The following NPAS3 variants were observed in gnomAD, a reference collection of about 807,000 sequenced individuals.
NPAS3 encodes the protein neuronal PAS domain-containing protein 3.
NPAS3 carries 14 observed loss-of-function variants against 73.1 expected under a neutral mutation model. The observed-to-expected ratio is 0.19, with a 90% CI of 0.13 to 0.30. The LOEUF is 0.30. Ranked by LOEUF, NPAS3 falls within the 10% of genes least tolerant of loss-of-function variation. NPAS3 has a pLI of 1.00. For synonymous variants in NPAS3, 620 were observed against 541.5 expected (o/e 1.14, Z -2.01); for missense variants, 1,096 against 1,250.0 (o/e 0.88, Z 1.86).
intron 2 of NPAS3, among the ~76,000 whole-genome samples, chr14:33,174,238 C>T (rs1194239281): frequency 2.2e-4 from 33 of 152,180 alleles, no homozygotes; most frequent in Non-Finnish European, 2.8e-4. Flanking sequence ...ATACACTGCA[C>T]ATCAGCATGC....
chr14:33,773,879 T>C (rs989794417), intron 7 of NPAS3, among the ~76,000 whole-genome samples: 5 of 152,212 alleles, frequency 3.3e-5, no homozygotes, highest in African/African-American at 1.2e-4. Context: ...CTTTGGCCTT[T>C]TACAATATCA....
intron 3 of NPAS3, among the ~76,000 whole-genome samples, chr14:33,247,802 G>A (rs2048444680): frequency 6.6e-6 from 1 of 151,930 alleles, no homozygotes; most frequent in Non-Finnish European, 1.5e-5. Context: ...TTATTTTTTA[G>A]AAATCATCCT....
intron 2 of NPAS3, among the ~76,000 whole-genome samples, chr14:33,165,136 T>C (rs2045077436): frequency 6.6e-6 from 1 of 152,078 alleles, no homozygotes; most frequent in Admixed American, 6.6e-5. Context: ...CAAATACTTA[T>C]TGTACTAGGT....
intron 8 of NPAS3, 150 bp from the exon 9 acceptor site, chr14:33,778,316 C>A: frequency 1.9e-6 from 1 of 522,968 alleles, no homozygotes; most frequent in Non-Finnish European, 3.4e-6. Context: ...AAGAAATAAT[C>A]TTATGTATAA....
chr14:33,422,376 A>G (rs1002844444), intron 4 of NPAS3, among the ~76,000 whole-genome samples: 1 of 151,988 alleles, frequency 6.6e-6, no homozygotes, highest in African/African-American at 2.4e-5. Context: ...TTTAACAAGA[A>G]GGTCTGAGAA....
intron 4 of NPAS3, among the ~76,000 whole-genome samples, chr14:33,519,123 A>G (rs1284425464): frequency 6.6e-6 from 1 of 152,146 alleles, no homozygotes; most frequent in Non-Finnish European, 1.5e-5. Context: ...GAGTTTAAGC[A>G]GCTCACAGTT....
chr14:33,353,600 T>C (rs976480403), intron 3 of NPAS3, among the ~76,000 whole-genome samples: 1 of 152,164 alleles, frequency 6.6e-6, no homozygotes, highest in Non-Finnish European at 1.5e-5. Context: ...CATCCCAAAG[T>C]GGGGTCTTGC....
intron 4 of NPAS3, among the ~76,000 whole-genome samples, chr14:33,416,512 GTCT>G (rs1566883536): frequency 2.0e-5 from 3 of 151,746 alleles, no homozygotes; most frequent in African/African-American, 7.3e-5. Flanking sequence ...ATAAAATACA[GTCT>G]TTGAATAATT....
intron 2 of NPAS3, among the ~76,000 whole-genome samples, chr14:33,197,187 T>C (rs2046388379): frequency 6.6e-6 from 1 of 150,476 alleles, no homozygotes; most frequent in African/African-American, 2.5e-5. Flanking sequence ...TATACAGGGG[T>C]GAAGGGAAGC....
chr14:33,131,551 C>T (rs1443683144), intron 2 of NPAS3, among the ~76,000 whole-genome samples: 1 of 152,128 alleles, frequency 6.6e-6, no homozygotes, highest in Admixed American at 6.6e-5. Context: ...TGTGTATCTG[C>T]CTCTCTCCAG....
At chr14:33,652,053 G>T (rs149077919) in intron 5 of NPAS3, among the ~76,000 whole-genome samples, 14 of 152,046 alleles carry the variant, frequency 9.2e-5, no homozygotes, top group African/African-American at 3.4e-4. Flanking sequence ...TGACAAATAC[G>T]GTTAAAAATC....
At chr14:33,031,137 T>C (rs1426907550) in intron 1 of NPAS3, among the ~76,000 whole-genome samples, 1 of 152,182 alleles carries the variant, frequency 6.6e-6, no homozygotes, top group Non-Finnish European at 1.5e-5. Context: ...GGACAATTAC[T>C]GATAAAATTA....
At chr14:32,958,706 T>G (rs1303081713) in intron 1 of NPAS3, among the ~76,000 whole-genome samples, 2 of 152,222 alleles carry the variant, frequency 1.3e-5, no homozygotes, top group African/African-American at 4.8e-5. Context: ...TTCCCATGGA[T>G]ACCTCAAACT....
intron 5 of NPAS3, among the ~76,000 whole-genome samples, chr14:33,597,571 G>A (rs1277931983): frequency 6.6e-6 from 1 of 152,220 alleles, no homozygotes; most frequent in Non-Finnish European, 1.5e-5. Context: ...TTGCCATGTT[G>A]ATTTTCTTCA....
chr14:32,939,410 C>G (rs529698941), intron 1 of NPAS3, 44 bp downstream of exon 1: 1 of 592,268 alleles, frequency 1.7e-6, no homozygotes, highest in Non-Finnish European at 3.0e-6. Flanking sequence ...GGCCGCTGCT[C>G]CCGCCGCCGC....
intron 7 of NPAS3, among the ~76,000 whole-genome samples, chr14:33,740,662 G>A (rs1451276472): frequency 6.6e-6 from 1 of 152,132 alleles, no homozygotes; most frequent in African/African-American, 2.4e-5. Flanking sequence ...ATCTTTATCG[G>A]TGCTTTACTA....
At chr14:33,782,823 T>TAA (rs199704146) in intron 9 of NPAS3, among the ~76,000 whole-genome samples, 2,468 of 148,648 alleles carry the variant, frequency 0.017, 72 homozygotes, top group African/African-American at 0.053. Context: ...TGTTTTTTTT[T>TAA]AAAAAAAAGA....
At chr14:33,682,381 G>A (rs933823770) in intron 6 of NPAS3, among the ~76,000 whole-genome samples, 1 of 152,168 alleles carries the variant, frequency 6.6e-6, no homozygotes, top group African/African-American at 2.4e-5. Context: ...GTAACCCAAA[G>A]AGATCATCAT....
intron 4 of NPAS3, among the ~76,000 whole-genome samples, chr14:33,369,404 C>CAAAGAAAAAAA (rs2045981687): frequency 1.1e-5 from 1 of 90,890 alleles, no homozygotes. Context: ...GCCTCATTTC[C>CAAAGAAAAAAA]AAAAAAAAAA....
Sources: gnomAD v4.1 joint callset for allele counts (sites outside exome capture counted in the v4.1 genomes callset) on GRCh38, gnomAD v4.1.1 for gene constraint, MANE v1.5 for transcripts, NCBI Gene and HGNC (gene_info 2026-07-23, HGNC 2026-07-21) for gene names.